SIN3A: variants seen among roughly 807,000 people sequenced by gnomAD.
SIN3A encodes the protein SIN3 transcription regulator family member A.
A neutral mutation model predicts 146.1 loss-of-function variants in SIN3A; 14 were observed. The observed-to-expected ratio is 0.10, with a 90% confidence interval of 0.06 to 0.15. The LOEUF is 0.15. Ranked by LOEUF, SIN3A falls within the 10% of genes least tolerant of loss-of-function variation. The pLI, the probability that SIN3A is intolerant of heterozygous loss-of-function variation, is 1.00. For synonymous variants in SIN3A, 572 were observed against 572.0 expected (o/e 1.00, Z 0.00); for missense variants, 1,028 against 1,576.0 (o/e 0.65, Z 5.89).
intron 2 of SIN3A, among the ~76,000 whole-genome samples, chr15:75,424,189 T>C (rs1595916332): frequency 6.6e-6 from 1 of 152,052 alleles, no homozygotes. Context: ...TCCCAGCACT[T>C]TGGGAGGCCG....
chr15:75,420,321 A>G (rs1338804883), intron 3 of SIN3A: 1 of 151,118 alleles, frequency 6.6e-6, no homozygotes, highest in Non-Finnish European at 1.5e-5. Context: ...ACAAAAAACA[A>G]AAAAAAAAGA....
At chr15:75,375,114 C>A (rs528627419) in intron 20 of SIN3A, among the ~76,000 whole-genome samples, 11 of 152,096 alleles carry the variant, frequency 7.2e-5, no homozygotes, top group Non-Finnish European at 1.5e-4. Flanking sequence ...ACAGGCTGAA[C>A]TGTATTCTCC....
intron 18 of SIN3A, chr15:75,380,962 A>T (rs2072953055): frequency 2.8e-6 from 1 of 358,224 alleles, no homozygotes; most frequent in Admixed American, 3.8e-5. Context: ...AGTCATAAAC[A>T]GGTAGAAGCT....
Position 75,392,830 on chromosome 15 carries a change from A to T in SIN3A, c.2278-15T>A. 6.4e-7 allele frequency: 1 copy of T among 1,557,186 alleles called. No individual in the cohort carries two copies. Among genetic ancestry groups the T allele is most frequent in the Non-Finnish European group, 8.8e-7 (1 of 1,139,358 alleles). ...TGCTCTTGCCTCTGATGGGACAGAG[A>T]CACAAAAGTATTCTGTGAGATGTCT... On this transcript the variant is annotated splice_polypyrimidine_tract_variant and intron_variant, in intron 14 of 20. Transcript: ENST00000394947.
chr15:75,410,039 AATATC>A (rs2073601670), intron 7 of SIN3A, 48 bp from the exon 8 acceptor site: 2 of 1,608,246 alleles, frequency 1.2e-6, no homozygotes, highest in South Asian at 2.2e-5. Flanking sequence ...AAAGCAAACA[AATATC>A]ATCTAGGAAA....
At position 75,381,585 on chromosome 15, in the gene SIN3A, C is replaced by G. The variant is rs763401867; in HGVS notation, c.3288+28G>C. The G allele has an allele frequency of 5.1e-6, 8 of 1,563,750 alleles. No homozygotes were observed. In the East Asian group the frequency reaches 1.8e-4, roughly 35 times the overall value. ...AAGGCACGCCAGCTCTGCTTGGCAC[C>G]TGGGGTCTGTGATGTACTTGCTCAT... On this transcript the variant is annotated intron_variant, in intron 18 of 20. Transcript: ENST00000394947.
At chr15:75,412,135 ACT>A (rs2141495498) in intron 5 of SIN3A, among the ~76,000 whole-genome samples, 1 of 152,242 alleles carries the variant, frequency 6.6e-6, no homozygotes, top group African/African-American at 2.4e-5. Context: ...TTCTACGCCA[ACT>A]CTGTCCTGTA....
At chr15:75,372,959 G>T (rs1037119504) in intron 20 of SIN3A, among the ~76,000 whole-genome samples, 1 of 152,024 alleles carries the variant, frequency 6.6e-6, no homozygotes, top group Non-Finnish European at 1.5e-5. Context: ...ACTTCTATCA[G>T]CATGGAGATC....
intron 1 of SIN3A, among the ~76,000 whole-genome samples, chr15:75,448,921 T>C (rs949051145): frequency 1.3e-5 from 2 of 152,222 alleles, no homozygotes; most frequent in Non-Finnish European, 2.9e-5. Context: ...TAAAACCCTC[T>C]TAATTACGAA....
chr15:75,423,932 T>C (rs901657247), intron 2 of SIN3A, among the ~76,000 whole-genome samples: 13 of 151,724 alleles, frequency 8.6e-5, no homozygotes, highest in African/African-American at 2.4e-4. Flanking sequence ...GAGGTGGAGG[T>C]TGCAGTGAGC....
At chr15:75,409,213 A>C (rs10152155) in intron 8 of SIN3A, among the ~76,000 whole-genome samples, 4 of 151,668 alleles carry the variant, frequency 2.6e-5, no homozygotes, top group Non-Finnish European at 4.4e-5. Context: ...CAAAAAAAAA[A>C]GAAGGGAAAA....
Position 75,392,244 on chromosome 15 carries a change from G to C in SIN3A, c.2849C>G (p.Pro950Arg). Residue 950 changes from proline (P) to arginine (R), a missense_variant and splice_region_variant, in exon 15 of 21, where the codon CCT (proline) becomes CGT (arginine). By Grantham distance (103) the Pro-to-Arg change is moderately radical. Around this residue, in one of 9 missense-constraint regions of SIN3A, gnomAD observed 488 missense variants for 690.2 expected, o/e 0.71. Coordinates refer to ENST00000394947, the MANE Select transcript of SIN3A (RefSeq NM_001145358.2). ...AAATCAGAGGTCTCGGCACTCACTA[G>C]GTTCTTTGAGACGTAGCTGAATGGC... Reference protein sequence around the residue: ...SPAIQLRLKEPMDVDVEDYYP... With the variant: ...SPAIQLRLKERMDVDVEDYYP... 1 of 1,612,162 alleles carries C rather than the reference G, an allele frequency of 6.2e-7. No homozygotes were observed. The highest frequency in any genetic ancestry group is 8.5e-7 in the Non-Finnish European group (1 of 1,178,518).
Position 75,381,593 on chromosome 15 carries a change from T to C in SIN3A, c.3288+20A>G. ...CCAGCTCTGCTTGGCACCTGGGGTC[T>C]GTGATGTACTTGCTCATACCTCTGC... is the stretch of plus-strand genomic sequence containing the variant. On this transcript the variant is annotated intron_variant, in intron 18 of 20. Transcript: ENST00000394947. 1 of 1,589,842 alleles carries C rather than the reference T, an allele frequency of 6.3e-7. No individual in the cohort carries two copies. Among genetic ancestry groups the C allele is most frequent in the Non-Finnish European group, 8.6e-7 (1 of 1,159,936 alleles).
chr15:75,391,701 AGT>A (rs1204774643), intron 15 of SIN3A, among the ~76,000 whole-genome samples: 1 of 152,104 alleles, frequency 6.6e-6, no homozygotes, highest in African/African-American at 2.4e-5. Context: ...CCTTTTCCTG[AGT>A]TCTACATCTT....
intron 1 of SIN3A, among the ~76,000 whole-genome samples, chr15:75,448,535 C>T (rs561810386): frequency 1.3e-5 from 2 of 151,164 alleles, no homozygotes; most frequent in Admixed American, 1.3e-4. Context: ...GTATCTGTGA[C>T]ACAGTAAGTG....
chr15:75,378,895 T>G (rs2072913796), intron 19 of SIN3A, among the ~76,000 whole-genome samples: 2 of 149,448 alleles, frequency 1.3e-5, no homozygotes, highest in Admixed American at 6.7e-5. Context: ...GGGATATATA[T>G]ATATATATAT....
At chr15:75,375,982 T>C (rs1380108122) in intron 19 of SIN3A, 110 bp from the exon 20 acceptor site, 30 of 1,043,790 alleles carry the variant, frequency 2.9e-5, no homozygotes, top group Non-Finnish European at 3.8e-5. Context: ...CATCCCAATT[T>C]GTTAAATACA....
chr15:75,438,382 C>A (rs1374309869), intron 1 of SIN3A, among the ~76,000 whole-genome samples: 4 of 149,646 alleles, frequency 2.7e-5, no homozygotes, highest in African/African-American at 7.3e-5. Context: ...ACAAAACAAA[C>A]AAAAAAAAAA....
chr15:75,420,381 T>C (rs1303218365), intron 3 of SIN3A: 1 of 151,992 alleles, frequency 6.6e-6, no homozygotes, highest in Non-Finnish European at 1.5e-5. Context: ...GAACATTTCT[T>C]TTTTTTTGTT....
Sources: gnomAD v4.1 joint callset for allele counts (sites outside exome capture counted in the v4.1 genomes callset) on GRCh38, gnomAD v4.1.1 for gene constraint, gnomAD v4.1.1 regional missense constraint, MANE v1.5 for transcripts, NCBI Gene and HGNC (gene_info 2026-07-23, HGNC 2026-07-21) for gene names.